The following XPO4 variants were observed in gnomAD, a reference collection of about 807,000 sequenced individuals.
XPO4 encodes the protein exportin 4, also known as exportin-4.
A neutral mutation model predicts 143.0 loss-of-function variants in XPO4; 39 were observed. The ratio of observed to expected loss-of-function variants is 0.27; its 90% CI spans 0.21 to 0.36. The LOEUF (loss-of-function observed/expected upper bound fraction) is 0.36. Ranked by LOEUF, XPO4 falls within the 10% of genes least tolerant of loss-of-function variation. The pLI, the probability that XPO4 is intolerant of heterozygous loss-of-function variation, is 1.00. For synonymous variants in XPO4, 439 were observed against 474.0 expected, an observed-to-expected ratio of 0.93 and a Z score of 0.96; for missense variants, 907 against 1,348.0, an observed-to-expected ratio of 0.67 and a Z score of 5.12.
rs553321404 is a variant in XPO4 at position 20,818,350 on chromosome 13, G to C, written c.1173+3354C>G. On this transcript the variant is annotated intron_variant, in intron 9 of 22. Coordinates refer to ENST00000255305, the MANE Select transcript of XPO4 (RefSeq NM_022459.5). ...TTCACTCACATGCTAAAGCCACCCA[G>C]CAAGGTGGCTTTATGACATGGGTTT... is the stretch of plus-strand genomic sequence containing the variant. Among the ~76,000 whole-genome samples the C allele has an allele frequency of 2.0e-5, 3 of 152,232 alleles. No individual in the cohort carries two copies. In the East Asian group the frequency reaches 5.8e-4, roughly 29 times the overall value.
chr13:20,842,665 A>G (rs1258780884), intron 6 of XPO4, among the ~76,000 whole-genome samples: 1 of 152,206 alleles, frequency 6.6e-6, no homozygotes, highest in Non-Finnish European at 1.5e-5. Context: ...CCACGTTTCT[A>G]TGTATTCAAA....
At position 20,808,590 on chromosome 13, in the gene XPO4, G is replaced by A. The variant is rs2059537025; in HGVS notation, c.1494-9C>T. 1.3e-6 allele frequency: 2 copies of A among 1,529,130 alleles called. No homozygotes were observed. The highest frequency in any genetic ancestry group is 2.3e-5 in the East Asian group (1 of 43,466). 94.7% of individuals were successfully genotyped at this position (1,529,130 alleles called of 1,614,324 possible). A position where few individuals can be genotyped will look rare whatever the true frequency, so the allele number is the denominator to read the frequency against. ...CTCTTTCTTCTAATAAACTAAAAGA[G>A]AAGAAAACAGTAGCTTCATAAAGTT... On this transcript the variant is annotated splice_polypyrimidine_tract_variant and intron_variant, in intron 11 of 22. Transcript: ENST00000255305.
chr13:20,864,749 T>C (rs986514021), intron 2 of XPO4, among the ~76,000 whole-genome samples: 18 of 152,276 alleles, frequency 1.2e-4, no homozygotes, highest in South Asian at 4.1e-4. Context: ...TTATAGAAGA[T>C]GAATATTCAA....
intron 18 of XPO4, among the ~76,000 whole-genome samples, chr13:20,792,773 A>T (rs2059304323): frequency 1.4e-5 from 2 of 141,826 alleles, no homozygotes; most frequent in South Asian, 4.6e-4. Context: ...TTATGCTTTT[A>T]TTATTTATTA....
intron 13 of XPO4, 67 bp from the exon 14 acceptor site, chr13:20,801,057 T>C (rs1595068517): frequency 1.3e-6 from 2 of 1,557,878 alleles, no homozygotes; most frequent in East Asian, 2.3e-5. Context: ...CATATTTTTT[T>C]CCTTAAAAGT....
rs766220051 is a variant in XPO4, at chr13:20,786,952, G to C, written c.3258+13C>G. Reference sequence around the variant, plus strand: ...AATGAGAAGAGTCCCCTGAAAAGAGGCATGTCCAGTACCTGGTGCAAACAC... The same window carrying C: ...AATGAGAAGAGTCCCCTGAAAAGAGCCATGTCCAGTACCTGGTGCAAACAC... On this transcript the variant is annotated intron_variant, in intron 22 of 22. Transcript: ENST00000255305. 1 of 1,546,810 alleles carries C rather than the reference G, an allele frequency of 6.5e-7. No individual in the cohort carries two copies. Among genetic ancestry groups the C allele is most frequent in the Non-Finnish European group, 8.7e-7 (1 of 1,144,988 alleles).
chr13:20,879,621 ATAAAT>A (rs1305292643), intron 1 of XPO4, among the ~76,000 whole-genome samples: 3 of 152,244 alleles, frequency 2.0e-5, no homozygotes, highest in African/African-American at 4.8e-5. Context: ...TTACAGAACA[ATAAAT>A]TAAAGAATCA....
At chr13:20,889,295 G>C (rs577879596) in intron 1 of XPO4, among the ~76,000 whole-genome samples, 1 of 152,302 alleles carries the variant, frequency 6.6e-6, no homozygotes, top group Non-Finnish European at 1.5e-5. Context: ...ACTGCAGAAA[G>C]TTTCTACAGA....
intron 3 of XPO4, chr13:20,856,464 C>G: frequency 3.6e-6 from 2 of 560,138 alleles, no homozygotes; most frequent in Non-Finnish European, 2.3e-6. Context: ...ACAATCTTTT[C>G]TGAAAGATAA....
intron 1 of XPO4, among the ~76,000 whole-genome samples, chr13:20,869,876 G>A (rs931976083): frequency 2.0e-5 from 3 of 152,096 alleles, no homozygotes; most frequent in African/African-American, 7.2e-5. Flanking sequence ...AGGCCAAGGC[G>A]GGAGGATAAT....
At chr13:20,886,011 G>C (rs1231438735) in intron 1 of XPO4, among the ~76,000 whole-genome samples, 2 of 152,150 alleles carry the variant, frequency 1.3e-5, no homozygotes, top group African/African-American at 4.8e-5. Context: ...AAATACACTA[G>C]AGTGGAAGAT....
chr13:20,883,598 T>C (rs961400666), intron 1 of XPO4, among the ~76,000 whole-genome samples: 1 of 152,154 alleles, frequency 6.6e-6, no homozygotes, highest in African/African-American at 2.4e-5. Context: ...AAAATGATCT[T>C]TCAGGGATTA....
intron 1 of XPO4, among the ~76,000 whole-genome samples, chr13:20,878,924 C>T (rs912735765): frequency 3.9e-5 from 6 of 152,010 alleles, no homozygotes; most frequent in African/African-American, 1.2e-4. Flanking sequence ...CTTCTATTCT[C>T]GATAGTACAG....
chr13:20,798,803 T>TG (rs2059391948), intron 16 of XPO4, among the ~76,000 whole-genome samples: 2 of 151,974 alleles, frequency 1.3e-5, no homozygotes, highest in African/African-American at 4.8e-5. Flanking sequence ...GCAGATTGCT[T>TG]GAGGCCAGGA....
chr13:20,898,980 C>T (rs2060594455), intron 1 of XPO4, among the ~76,000 whole-genome samples: 1 of 152,048 alleles, frequency 6.6e-6, no homozygotes, highest in Non-Finnish European at 1.5e-5. Context: ...CCAGCCTGGG[C>T]AACACAGTGA....
At chr13:20,892,585 G>A (rs2060528447) in intron 1 of XPO4, among the ~76,000 whole-genome samples, 1 of 152,116 alleles carries the variant, frequency 6.6e-6, no homozygotes, top group South Asian at 2.1e-4. Flanking sequence ...AGCAAACAGG[G>A]TCCCTGAACA....
intron 1 of XPO4, among the ~76,000 whole-genome samples, chr13:20,871,432 G>A (rs1436256053): frequency 1.3e-5 from 2 of 152,080 alleles, no homozygotes; most frequent in East Asian, 1.9e-4. Context: ...GGATCCTCCC[G>A]CCTTTGCCTC....
chr13:20,808,697 C>A, intron 11 of XPO4, 116 bp from the exon 12 acceptor site: 1 of 857,490 alleles, frequency 1.2e-6, no homozygotes, highest in Admixed American at 3.2e-5. Context: ...AACACATATA[C>A]AAAAACATTA....
At chr13:20,884,867 AAAGAT>A (rs1180230545) in intron 1 of XPO4, among the ~76,000 whole-genome samples, 3 of 152,244 alleles carry the variant, frequency 2.0e-5, no homozygotes, top group Non-Finnish European at 2.9e-5. Context: ...AAAAACAAGT[AAAGAT>A]TAGTTTGAGA....
Sources: gnomAD v4.1 joint callset for allele counts (sites outside exome capture counted in the v4.1 genomes callset) on GRCh38, gnomAD v4.1.1 for gene constraint, MANE v1.5 for transcripts, NCBI Gene and HGNC (gene_info 2026-07-23, HGNC 2026-07-21) for gene names.